Variants in PKP3 observed in about 807,000 individuals in gnomAD.
The protein encoded by PKP3 is plakophilin-3.
In PKP3, 66 loss-of-function variants were observed where a neutral mutation model predicts 76.5. The observed-to-expected ratio is 0.86, with a 90% CI of 0.71 to 1.06. The LOEUF (loss-of-function observed/expected upper bound fraction) is 1.06, where lower values mean the gene tolerates loss of function less well. Ranked by LOEUF, PKP3 falls within the 50% of genes least tolerant of loss-of-function variation. The probability of loss-of-function intolerance (pLI) is 0.00; values close to 1 mark genes in which losing one functional copy is unlikely to be tolerated. For synonymous variants in PKP3, 638 were observed against 516.5 expected (o/e 1.24, Z -3.19); for missense variants, 1,338 against 1,141.0 (o/e 1.17, Z -2.49).
chr11:397,304 C>CG lies in PKP3; in HGVS notation c.808dup (p.Ala270GlyfsTer21). ...AGCCGCGGGGTAGGCGGGGCAGTGC[C>CG]GGGGGCCGTCCTGGAGCCAGTGGCT... is the stretch of plus-strand genomic sequence containing the variant. On this transcript the variant is annotated frameshift_variant, in exon 3 of 13. Coordinates refer to ENST00000331563, the MANE Select transcript of PKP3 (RefSeq NM_007183.4). LOFTEE classifies it high-confidence loss of function. The CG allele has an allele frequency of 1.3e-6, 2 of 1,590,474 alleles. No individual in the cohort carries two copies. The highest frequency in any genetic ancestry group is 1.7e-6 in the Non-Finnish European group (2 of 1,171,124).
At position 399,091 on chromosome 11, in the gene PKP3, TACG is replaced by T. The variant is rs1197783874; in HGVS notation, c.1171_1173del (p.Asp391del). 4 of 1,611,962 alleles carry T rather than the reference TACG, an allele frequency of 2.5e-6. No homozygotes were observed. Among genetic ancestry groups the T allele is most frequent in the Non-Finnish European group, 3.4e-6 (4 of 1,179,426 alleles). The stretch of plus-strand genomic sequence containing the variant: ...CACAGGTGCCATGCGCAACCTCATC[TACG>T]ACAACGCTGACAACAAGCTGGCCCT... On this transcript the variant is annotated inframe_deletion, in exon 5 of 13. Transcript: ENST00000331563.
chr11:397,719 C>A, intron 4 of PKP3, 57 bp downstream of exon 4: 1 of 1,558,796 alleles, frequency 6.4e-7, no homozygotes. Context: ...GTGGGCCCCA[C>A]CACCTCCCAC....
rs748776217 is a variant in PKP3, at chr11:403,109, C to T, written c.1769C>T (p.Ala590Val). 8.4e-6 allele frequency: 13 copies of T among 1,544,086 alleles called. No individual in the cohort carries two copies. Among genetic ancestry groups the T allele is most frequent in the South Asian group, 4.7e-5 (4 of 84,244 alleles). The change falls in exon 9 of 13, where the codon GCG becomes GTG. Residue 590 changes from alanine (A) to valine (V), a missense_variant. Coordinates refer to ENST00000331563, the MANE Select transcript of PKP3 (RefSeq NM_007183.4). Reference protein sequence around the residue: ...LPLAADALTFAEVSKDPKGLE... With the variant: ...LPLAADALTFVEVSKDPKGLE... The stretch of plus-strand genomic sequence containing the variant: ...CTCGCCGCCGATGCGCTCACCTTCG[C>T]GGAGGTGTCCAAGGACCCCAAGGGC...
Position 404,057 on chromosome 11 carries a change from C to T in PKP3, c.2192C>T (p.Ala731Val). Residue 731 changes from alanine (A) to valine (V), a missense_variant, in exon 11 of 13, where the codon GCC becomes GTC. Physicochemically the swap from Ala to Val is moderately conservative, Grantham distance 64 (BLOSUM62 0). Coordinates refer to ENST00000331563, the MANE Select transcript of PKP3 (RefSeq NM_007183.4). This position sits in a 1 kb window ranked among gnomAD's most constrained non-coding sequence, Gnocchi z 4.2. ...IIAVLNNLVV[A>V]SPIAARDLLY... ...GCTGTGCTCAACAACCTGGTGGTGG[C>T]CAGCCCCATCGCTGCCCGAGACCTG... is the stretch of plus-strand genomic sequence containing the variant. The T allele has an allele frequency of 6.2e-7, 1 of 1,612,420 alleles. No individual in the cohort carries two copies. The highest frequency in any genetic ancestry group is 1.3e-5 in the African/African-American group (1 of 75,022).
rs1262585293 is a variant in PKP3, at chr11:397,017, C to A, written c.516C>A (p.Ser172Arg). 1.3e-6 allele frequency: 2 copies of A among 1,599,702 alleles called. No homozygotes were observed. Among genetic ancestry groups the A allele is most frequent in the Non-Finnish European group, 1.7e-6 (2 of 1,179,546 alleles). Residue 172 changes from serine (S) to arginine (R), a missense_variant, in exon 3 of 13, where the codon AGC (serine) becomes AGA (arginine). Physicochemically the swap from Ser to Arg is moderately radical, Grantham distance 110. Transcript: ENST00000331563. Reference sequence around the variant, plus strand: ...TCCATGAGCGCGGTGGGGTTGGGAGCCGGGCCGACTATGACACACTCTCCC... The same window carrying A: ...TCCATGAGCGCGGTGGGGTTGGGAGACGGGCCGACTATGACACACTCTCCC... Reference protein sequence around the residue: ...VSFHERGGVGSRADYDTLSLR... With the variant: ...VSFHERGGVGRRADYDTLSLR...
Position 403,623 on chromosome 11 carries a change from G to A in PKP3, c.1929G>A (p.Ala643=), listed in dbSNP as rs750267470. Residue 643 remains alanine (A), a synonymous_variant, in exon 10 of 13, where the codon GCG becomes GCA. Coordinates refer to ENST00000331563, the MANE Select transcript of PKP3 (RefSeq NM_007183.4). ...CACACCCTCCCTCCCCACAGTGGGC[G>A]GGGGTGCTGAGCCGCCTGGCCCTGG... ...QNITAGDRRW[A]GVLSRLALEQ... The A allele has an allele frequency of 9.3e-6, 15 of 1,604,644 alleles. No individual in the cohort carries two copies. The highest frequency in any genetic ancestry group is 3.3e-5 in the South Asian group (3 of 91,062).
chr11:403,561 C>T (rs1022853180), intron 9 of PKP3, 57 bp from the exon 10 acceptor site: 2 of 1,536,394 alleles, frequency 1.3e-6, no homozygotes, highest in African/African-American at 1.4e-5. Flanking sequence ...TGGCAGGACC[C>T]CCTCAGGTGA....
At chr11:398,138 C>T (rs1847085522) in intron 4 of PKP3, among the ~76,000 whole-genome samples, 10 of 73,326 alleles carry the variant, frequency 1.4e-4, no homozygotes, top group Admixed American at 1.3e-3. Flanking sequence ...CCCACATATA[C>T]CTCATCACCT....
rs759669237 is a variant in PKP3, at chr11:397,438, A to G, written c.937A>G (p.Ser313Gly). Reference protein sequence around the residue: ...YGSHRTLQRLSSGFDDIDLPS... With the variant: ...YGSHRTLQRLGSGFDDIDLPS... ...TAGCCACCGAACCCTGCAGAGACTC[A>G]GCAGCGGGTGAGCGGCTGGGCCCGG... Residue 313 changes from serine (S) to glycine (G), a missense_variant, in exon 3 of 13, where the codon AGC (serine) becomes GGC (glycine). Ser to Gly is a moderately conservative substitution (Grantham distance 56). Transcript: ENST00000331563. 1 of 1,612,116 alleles carries G rather than the reference A, an allele frequency of 6.2e-7. No homozygotes were observed. Among genetic ancestry groups the G allele is most frequent in the South Asian group, 1.1e-5 (1 of 91,054 alleles).
chr11:397,708 C>A (rs773683560), intron 4 of PKP3, 46 bp downstream of exon 4: 2 of 1,583,902 alleles, frequency 1.3e-6, no homozygotes, highest in East Asian at 2.2e-5. Context: ...TGACCTCCTT[C>A]GTGGGCCCCA....
intron 7 of PKP3, 26 bp from the exon 8 acceptor site, chr11:400,509 C>A (rs1847135026): frequency 2.0e-6 from 3 of 1,493,256 alleles, no homozygotes; most frequent in Non-Finnish European, 1.8e-6. Flanking sequence ...CTGACCCGCG[C>A]CCCTGCCCCG....
intron 9 of PKP3, 50 bp from the exon 10 acceptor site, chr11:403,568 G>A: frequency 1.3e-6 from 2 of 1,564,470 alleles, no homozygotes; most frequent in South Asian, 1.1e-5. Context: ...ACCCCCTCAG[G>A]TGAGGGTCTG....
rs202156732 is a variant in PKP3, at chr11:397,461, C to T, written c.944+16C>T. On this transcript the variant is annotated intron_variant, in intron 3 of 12. Transcript: ENST00000331563. Reference sequence around the variant, plus strand: ...TCAGCAGCGGGTGAGCGGCTGGGCCCGGCTCAGGGAGGGGGCTTCTACCAC... The same window carrying T: ...TCAGCAGCGGGTGAGCGGCTGGGCCTGGCTCAGGGAGGGGGCTTCTACCAC... 97 of 1,611,992 alleles carry T rather than the reference C, an allele frequency of 6.0e-5. No homozygotes were observed. The highest frequency in any genetic ancestry group is 1.1e-4 in the East Asian group (5 of 44,892).
intron 9 of PKP3, 106 bp from the exon 10 acceptor site, chr11:403,512 C>A: frequency 1.7e-6 from 2 of 1,148,402 alleles, no homozygotes; most frequent in South Asian, 1.4e-5. Context: ...GAAGCAGAGG[C>A]CCCCCTGAGG....
In PKP3 at chr11:397,275, C is replaced by T. The variant is rs781076656; in HGVS notation, c.774C>T (p.His258=). 6.3e-7 allele frequency: 1 copy of T among 1,597,462 alleles called. No homozygotes were observed. Among genetic ancestry groups the T allele is most frequent in the Non-Finnish European group, 8.5e-7 (1 of 1,175,782 alleles). The change falls in exon 3 of 13, where the codon CAC becomes CAT. Residue 258 remains histidine (H), a synonymous_variant. Transcript: ENST00000331563. ...CCCTGCAGCGATTCCAGAGCAGCCA[C>T]CGGAGCCGCGGGGTAGGCGGGGCAG... ...VRTLQRFQSS[H]RSRGVGGAVP...
chr11:400,654 G>A lies in PKP3; in HGVS notation c.1686G>A (p.Pro562=), dbSNP rs1847139552. Residue 562 remains proline, a synonymous_variant, in exon 8 of 13, where the codon CCG becomes CCA. Transcript: ENST00000331563. ...GRGRRDLAGA[P]PGEVVGCFTP... ...GCCGCAGGGACCTGGCGGGGGCGCC[G>A]CCGGGAGAGGTCGTGGGCTGCTTCA... 2 of 1,360,576 alleles carry A rather than the reference G, an allele frequency of 1.5e-6. No individual in the cohort carries two copies. The highest frequency in any genetic ancestry group is 1.7e-5 in the South Asian group (1 of 60,572). 84.3% of individuals were successfully genotyped at this position (1,360,576 alleles called of 1,614,324 possible).
In PKP3 at chr11:399,157, C is replaced by G; in HGVS notation, c.1234C>G (p.Leu412Val). The G allele has an allele frequency of 6.2e-7, 1 of 1,609,650 alleles. No homozygotes were observed. The highest frequency in any genetic ancestry group is 8.5e-7 in the Non-Finnish European group (1 of 1,178,220). The change falls in exon 5 of 13, where the codon CTG becomes GTG. Residue 412 changes from leucine (L) to valine (V), a missense_variant. Physicochemically the swap from Leu to Val is conservative, Grantham distance 32. Transcript: ENST00000331563. ...CGGGATCTTCGAGCTGCTGCGGACA[C>G]TGCGGGAGCAGGATGATGAGCTTCG... ...ENGIFELLRT[L>V]REQDDELRKN...
chr11:393,087 C>A (rs1846996432), upstream of PKP3, among the ~76,000 whole-genome samples: 1 of 150,792 alleles, frequency 6.6e-6, no homozygotes, highest in Admixed American at 6.6e-5. Context: ...CCACCCCCAG[C>A]CCTCCTAGGC....
chr11:404,404 T>C lies in PKP3; in HGVS notation c.2358+81T>C, dbSNP rs1590362856. ...GGGGGAGGGTCAGTGAAGAGGCCCA[T>C]GGGAGGATGGAGACCAGGGACCCAG... On this transcript the variant is annotated intron_variant, in intron 12 of 12. Coordinates refer to ENST00000331563, the MANE Select transcript of PKP3 (RefSeq NM_007183.4). The surrounding 1 kb of genome is among the most constrained non-coding windows in gnomAD (Gnocchi z 4.2). 6.8e-7 allele frequency: 1 copy of C among 1,465,732 alleles called. No homozygotes were observed. The allele number at this position is 1,465,732 out of a possible 1,614,324, so 90.8% of individuals were successfully genotyped here. A position where few individuals can be genotyped will look rare whatever the true frequency, so the allele number is the denominator to read the frequency against.
Sources: gnomAD v4.1 joint callset for allele counts (sites outside exome capture counted in the v4.1 genomes callset) on GRCh38, gnomAD v4.1.1 for gene constraint, Gnocchi (gnomAD v3.1) non-coding constraint, MANE v1.5 for transcripts, NCBI Gene and HGNC (gene_info 2026-07-23, HGNC 2026-07-21) for gene names.